Variants in MGRN1 observed in about 807,000 individuals in gnomAD.
The protein encoded by MGRN1 is E3 ubiquitin-protein ligase MGRN1.
MGRN1 carries 29 observed loss-of-function variants against 69.2 expected under a neutral mutation model. That is an observed-to-expected ratio of 0.42 (90% confidence interval 0.31 to 0.57). The LOEUF (loss-of-function observed/expected upper bound fraction) is 0.57, where lower values mean the gene tolerates loss of function less well. Ranked by LOEUF, MGRN1 falls within the 20% of genes least tolerant of loss-of-function variation. The pLI is 0.15. For missense variants in MGRN1, 998 were observed against 796.2 expected (o/e 1.25, Z -3.05); for synonymous variants, 470 against 344.2 (o/e 1.37, Z -4.04).
At chr16:4,665,991 A>G (rs2078795831) in intron 7 of MGRN1, among the ~76,000 whole-genome samples, 2 of 151,774 alleles carry the variant, frequency 1.3e-5, no homozygotes, top group Non-Finnish European at 2.9e-5. Flanking sequence ...CACCATGCCC[A>G]GCTAATTTTT....
chr16:4,650,258 G>A, intron 1 of MGRN1, 107 bp from the exon 2 acceptor site: 1 of 789,318 alleles, frequency 1.3e-6, no homozygotes. Flanking sequence ...AGCTGAGATA[G>A]CGCCACTGCA....
intron 7 of MGRN1, among the ~76,000 whole-genome samples, chr16:4,667,713 T>G (rs2078836086): frequency 6.6e-6 from 1 of 152,254 alleles, no homozygotes; most frequent in Non-Finnish European, 1.5e-5. Flanking sequence ...ATTAACCTTG[T>G]TGAACTCTGA....
chr16:4,681,501 A>G (rs1284420631), intron 12 of MGRN1, 49 bp from the exon 13 acceptor site: 1 of 1,542,288 alleles, frequency 6.5e-7, no homozygotes, highest in Middle Eastern at 1.7e-4. Context: ...GCGTCTGGGG[A>G]GCAGGTGGTC....
At chr16:4,632,637 G>A (rs1241695662) in intron 1 of MGRN1, among the ~76,000 whole-genome samples, 7 of 152,034 alleles carry the variant, frequency 4.6e-5, no homozygotes, top group Non-Finnish European at 8.8e-5. Context: ...CTCTTGATCC[G>A]CCCGTCTCGG....
At chr16:4,662,131 T>C (rs1424448187) in intron 5 of MGRN1, among the ~76,000 whole-genome samples, 2 of 152,208 alleles carry the variant, frequency 1.3e-5, no homozygotes, top group Non-Finnish European at 2.9e-5. Flanking sequence ...TGGTCCGCTG[T>C]AACTCCTTTC....
At chr16:4,687,951 C>G in intron 16 of MGRN1, 1 of 985,708 alleles carries the variant, frequency 1.0e-6, no homozygotes, top group Non-Finnish European at 1.2e-6. Context: ...TTTCAGACGG[C>G]CCCGGCCTGC....
At position 4,650,362 on chromosome 16, in the gene MGRN1, C is replaced by T. The variant is rs998680617; in HGVS notation, c.89-3C>T. On this transcript the variant is annotated splice_region_variant and splice_polypyrimidine_tract_variant and intron_variant, in intron 1 of 16. Transcript: ENST00000262370. ...CTATAATCGTGTTTCCTTTTTTAAACAGGAAACTACTTTGCTTCGCACTTT... is the reference window on the plus strand; with the variant it reads ...CTATAATCGTGTTTCCTTTTTTAAATAGGAAACTACTTTGCTTCGCACTTT... 13 of 1,522,892 alleles carry T rather than the reference C, an allele frequency of 8.5e-6. No individual in the cohort carries two copies. The highest frequency in any genetic ancestry group is 1.4e-5 in the African/African-American group (1 of 71,410). 94.3% of individuals were successfully genotyped at this position (1,522,892 alleles called of 1,614,324 possible).
At chr16:4,628,434 A>G (rs1897812892) in intron 1 of MGRN1, among the ~76,000 whole-genome samples, 1 of 152,146 alleles carries the variant, frequency 6.6e-6, no homozygotes, top group African/African-American at 2.4e-5. Flanking sequence ...AACAACAAAA[A>G]AAAGAATTGT....
At chr16:4,683,397 G>C (rs1035650999) in intron 15 of MGRN1, 128 bp downstream of exon 15, 1 of 1,114,298 alleles carries the variant, frequency 9.0e-7, no homozygotes, top group Non-Finnish European at 1.3e-6. Flanking sequence ...CGGCCAAGAG[G>C]CCCCCCTCGG....
At chr16:4,647,751 T>C (rs1205223042) in intron 1 of MGRN1, among the ~76,000 whole-genome samples, 1 of 152,154 alleles carries the variant, frequency 6.6e-6, no homozygotes, top group Admixed American at 6.5e-5. Flanking sequence ...AATCAGGGCG[T>C]CCCACTTGCT....
At chr16:4,656,382 G>T (rs1266456397) in intron 4 of MGRN1, among the ~76,000 whole-genome samples, 1 of 152,210 alleles carries the variant, frequency 6.6e-6, no homozygotes, top group Non-Finnish European at 1.5e-5. Context: ...GTGTGCAGAC[G>T]CATGAAAGAG....
intron 11 of MGRN1, among the ~76,000 whole-genome samples, chr16:4,678,132 C>A (rs2141965850): frequency 2.0e-5 from 3 of 152,316 alleles, no homozygotes; most frequent in Admixed American, 2.0e-4. Context: ...CAGGCCTGAG[C>A]CACCGCCTCC....
chr16:4,657,436 A>T, intron 5 of MGRN1, 73 bp downstream of exon 5: 1 of 1,412,582 alleles, frequency 7.1e-7, no homozygotes, highest in Non-Finnish European at 1.0e-6. Flanking sequence ...GGGCCAGCAC[A>T]GTGGGGTCTG....
chr16:4,628,244 G>A (rs1239588150), intron 1 of MGRN1, among the ~76,000 whole-genome samples: 2 of 151,884 alleles, frequency 1.3e-5, no homozygotes, highest in African/African-American at 4.8e-5. Flanking sequence ...AAATTAGCCA[G>A]GTGTGGTGGC....
chr16:4,671,280 C>A lies in MGRN1; in HGVS notation c.727-111C>A. The stretch of plus-strand genomic sequence containing the variant: ...GCCCCCAGGGGTTGAGCTGGACTGA[C>A]CCCTGGTATGGAAGCCTGGTAAGTT... On this transcript the variant is annotated intron_variant, in intron 8 of 16. Coordinates refer to ENST00000262370, the MANE Select transcript of MGRN1 (RefSeq NM_015246.4). 2.9e-6 allele frequency: 3 copies of A among 1,032,010 alleles called. No individual in the cohort carries two copies. In the South Asian group the frequency reaches 3.9e-5, roughly 14 times the overall value. The allele number at this position is 1,032,010 out of a possible 1,614,324, so 63.9% of individuals were successfully genotyped here.
chr16:4,636,830 A>C (rs1898318022), intron 1 of MGRN1, among the ~76,000 whole-genome samples: 1 of 152,106 alleles, frequency 6.6e-6, no homozygotes, highest in Non-Finnish European at 1.5e-5. Context: ...ACATTAAAAC[A>C]ATTGAGTGGC....
rs374728935 is a variant in MGRN1, at chr16:4,642,098, G to T, written c.89-8267G>T. On this transcript the variant is annotated intron_variant, in intron 1 of 16. Transcript: ENST00000262370. ...CCATCCGGTAACCCTGCACTGTCAT[G>T]CATTTCCCTGTCAGCATATGACTTG... 4.7e-5 allele frequency among the ~76,000 whole-genome samples: 7 copies of T among 149,102 alleles called. No individual in the cohort carries two copies. The East Asian group carries it at 9.9e-4, about 21-fold the overall frequency.
In MGRN1 at chr16:4,681,632, T is replaced by C. The variant is rs2079184552; in HGVS notation, c.1214T>C (p.Ile405Thr). ...LNGLRAVSPA[I>T]PSAPLYEEIT... The stretch of plus-strand genomic sequence containing the variant: ...GGCCTCCGGGCTGTCTCCCCGGCCA[T>C]CCCCTCGGCCCCTCTTTATGAAGAA... Residue 405 changes from isoleucine (I) to threonine (T), a missense_variant, in exon 13 of 17, where the codon ATC (isoleucine) becomes ACC (threonine). Coordinates refer to ENST00000262370, the MANE Select transcript of MGRN1 (RefSeq NM_015246.4). 1 of 1,613,348 alleles carries C rather than the reference T, an allele frequency of 6.2e-7. No homozygotes were observed. The highest frequency in any genetic ancestry group is 8.5e-7 in the Non-Finnish European group (1 of 1,180,020).
chr16:4,658,187 C>T (rs970620323), intron 5 of MGRN1, among the ~76,000 whole-genome samples: 3 of 152,042 alleles, frequency 2.0e-5, no homozygotes, highest in Non-Finnish European at 4.4e-5. Context: ...TTCCAGCGTC[C>T]ATCTGGTCTG....
Sources: gnomAD v4.1 joint callset for allele counts (sites outside exome capture counted in the v4.1 genomes callset) on GRCh38, gnomAD v4.1.1 for gene constraint, MANE v1.5 for transcripts, NCBI Gene and HGNC (gene_info 2026-07-23, HGNC 2026-07-21) for gene names.